The following CD72 variants were observed in gnomAD, a reference collection of about 807,000 sequenced individuals.
CD72 encodes CD72 molecule, also known as B-cell differentiation antigen CD72.
In CD72, 28 loss-of-function variants were observed where a neutral mutation model predicts 50.7. The ratio of observed to expected loss-of-function variants is 0.55; its 90% CI spans 0.41 to 0.76. The LOEUF (loss-of-function observed/expected upper bound fraction) is 0.76, where lower values mean the gene tolerates loss of function less well. CD72 is among the 30% of genes least tolerant of loss of function. CD72 has a pLI of 0.00. For missense variants in CD72, 403 were observed against 420.6 expected (o/e 0.96, Z 0.37); for synonymous variants, 176 against 171.2 (o/e 1.03, Z -0.22).
At chr9:35,634,054 C>T (rs536393178) in intron 1 of CD72, among the ~76,000 whole-genome samples, 5 of 152,068 alleles carry the variant, frequency 3.3e-5, no homozygotes, top group South Asian at 2.1e-4. Context: ...GATTTCAGTC[C>T]GCTTTTATTT....
intron 1 of CD72, among the ~76,000 whole-genome samples, chr9:35,639,177 ATAAAC>A (rs1823317656): frequency 6.6e-6 from 1 of 152,226 alleles, no homozygotes; most frequent in African/African-American, 2.4e-5. Flanking sequence ...CTTTAAAAAA[ATAAAC>A]TAAGTAAATT....
chr9:35,611,446 G>C (rs1822982918), intron 7 of CD72, among the ~76,000 whole-genome samples: 1 of 152,132 alleles, frequency 6.6e-6, no homozygotes, highest in Non-Finnish European at 1.5e-5. Context: ...GGCCGCTACT[G>C]AGAAAGTACA....
chr9:35,637,806 C>T (rs192902180), intron 1 of CD72, among the ~76,000 whole-genome samples: 77 of 152,222 alleles, frequency 5.1e-4, no homozygotes, highest in South Asian at 3.9e-3. Flanking sequence ...ATTGTGGGGA[C>T]GCCTGCTTTG....
intron 1 of CD72, among the ~76,000 whole-genome samples, chr9:35,627,689 A>G (rs1823208628): frequency 6.6e-6 from 1 of 152,312 alleles, no homozygotes; most frequent in African/African-American, 2.4e-5. Flanking sequence ...TCCAGCAAGA[A>G]GTACTGCTTG....
At position 35,618,266 on chromosome 9, in the gene CD72, A is replaced by C. The variant is rs770904676; in HGVS notation, c.38T>G (p.Val13Gly). Residue 13 changes from valine to glycine, a missense_variant, in exon 1 of 9, where the codon GTG becomes GGG. Val to Gly is a moderately radical substitution (Grantham distance 109). Transcript: ENST00000259633. Reference sequence around the variant, plus strand: ...GATGCTCTTCTTCAGGGGAGCCTTCACAAACCTCAGATCTGCATAGGTGAT... The same window carrying C: ...GATGCTCTTCTTCAGGGGAGCCTTCCCAAACCTCAGATCTGCATAGGTGAT... ...EAITYADLRF[V>G]KAPLKKSISS... 8.1e-6 allele frequency: 13 copies of C among 1,614,014 alleles called. No individual in the cohort carries two copies. In the South Asian group the frequency reaches 8.8e-5, roughly 11 times the overall value.
At chr9:35,624,566 T>G (rs1231759796) in intron 1 of CD72, among the ~76,000 whole-genome samples, 1 of 152,136 alleles carries the variant, frequency 6.6e-6, no homozygotes, top group Non-Finnish European at 1.5e-5. Flanking sequence ...TGAACCTGAT[T>G]GCCTGATTAT....
upstream of CD72, among the ~76,000 whole-genome samples, chr9:35,621,400 T>C (rs1823146051): frequency 6.6e-6 from 1 of 152,206 alleles, no homozygotes; most frequent in Non-Finnish European, 1.5e-5. Flanking sequence ...ATTGATACAG[T>C]CTATGTCAGG....
At chr9:35,616,847 G>C in intron 3 of CD72, 158 bp from the exon 4 acceptor site, 1 of 994,512 alleles carries the variant, frequency 1.0e-6, no homozygotes, top group Non-Finnish European at 1.5e-6. Flanking sequence ...GTCGGGTAGC[G>C]GGGTGTTTCG....
At chr9:35,610,801 C>T (rs1332980368) in intron 7 of CD72, 48 bp from the exon 8 acceptor site, 1 of 1,505,180 alleles carries the variant, frequency 6.6e-7, no homozygotes, top group East Asian at 2.3e-5. Context: ...ACATATCCCA[C>T]CCTCCCTTCT....
At chr9:35,646,402 C>T (rs776230154) in intron 1 of CD72, 1 of 152,190 alleles carries the variant, frequency 6.6e-6, no homozygotes, top group Non-Finnish European at 1.5e-5. Context: ...TAGGGAAGTA[C>T]CTGGAGGTGG....
At chr9:35,618,639 C>A, upstream of CD72, 1 of 622,850 alleles carries the variant, frequency 1.6e-6, no homozygotes, top group Admixed American at 2.9e-5. Flanking sequence ...CCATGCTGGG[C>A]CCCAAACTCG....
At chr9:35,628,407 A>G (rs992951393) in intron 1 of CD72, among the ~76,000 whole-genome samples, 17 of 152,256 alleles carry the variant, frequency 1.1e-4, no homozygotes, top group Non-Finnish European at 1.8e-4. Flanking sequence ...CCTGGCTAAC[A>G]TGGTGAAACC....
intron 1 of CD72, among the ~76,000 whole-genome samples, chr9:35,626,386 T>C (rs1031890532): frequency 1.3e-5 from 2 of 152,106 alleles, no homozygotes; most frequent in African/African-American, 4.8e-5. Flanking sequence ...TTGATTATTA[T>C]GAATGAGCAA....
upstream of CD72, among the ~76,000 whole-genome samples, chr9:35,622,798 T>A (rs140275930): frequency 0.23 from 34,042 of 145,912 alleles, 4,134 homozygotes; most frequent in East Asian, 0.35. Context: ...AAAAAAATAA[T>A]AATAATAATA....
intron 3 of CD72, 87 bp from the exon 4 acceptor site, chr9:35,616,776 G>A: frequency 8.3e-7 from 1 of 1,202,078 alleles, no homozygotes; most frequent in South Asian, 1.3e-5. Context: ...GGAGACCCCT[G>A]GGGAAGGCAT....
intron 1 of CD72, among the ~76,000 whole-genome samples, chr9:35,630,997 T>A (rs1406315423): frequency 6.6e-6 from 1 of 152,222 alleles, no homozygotes; most frequent in Non-Finnish European, 1.5e-5. Flanking sequence ...GTTCATGGCA[T>A]TATGGTGGCT....
rs1315950837 is a variant in CD72 at position 35,634,266 on chromosome 9, CAT to C, written n.408+12135_408+12136del. Among the ~76,000 whole-genome samples, 3 of 152,154 alleles carry C rather than the reference CAT, an allele frequency of 2.0e-5. No homozygotes were observed. In the East Asian group the frequency reaches 5.8e-4, roughly 29 times the overall value. On this transcript the variant is annotated intron_variant and non_coding_transcript_variant, in intron 1 of 3. Coordinates refer to the CD72 transcript ENST00000465754. Reference sequence around the variant, plus strand: ...CTGTCCCTGCTCTCAGATAGATACACATGACTTTTCTAGTGTATGAAAACAAC... The same window carrying C: ...CTGTCCCTGCTCTCAGATAGATACACGACTTTTCTAGTGTATGAAAACAAC...
At chr9:35,633,506 TC>T (rs754301124) in intron 1 of CD72, among the ~76,000 whole-genome samples, 28 of 152,312 alleles carry the variant, frequency 1.8e-4, no homozygotes, top group Non-Finnish European at 3.5e-4. Context: ...GTATTTTCAT[TC>T]TTTTTTTAAA....
intron 1 of CD72, among the ~76,000 whole-genome samples, chr9:35,626,192 AT>A (rs1472535586): frequency 6.6e-6 from 1 of 151,506 alleles, no homozygotes; most frequent in Non-Finnish European, 1.5e-5. Context: ...AAATATCAAC[AT>A]TAACAGGAGT....
Sources: allele counts gnomAD v4.1 joint callset (sites outside exome capture counted in the v4.1 genomes callset), GRCh38; gene constraint gnomAD v4.1.1; transcripts MANE v1.5; gene names NCBI Gene and HGNC (gene_info 2026-07-23, HGNC 2026-07-21).